The following DACH1 variants were observed in gnomAD, a reference collection of about 807,000 sequenced individuals.
The protein encoded by DACH1 is dachshund homolog 1.
DACH1 carries 12 observed loss-of-function variants against 54.2 expected under a neutral mutation model. That is an observed-to-expected ratio of 0.22 (90% CI 0.14 to 0.36). The LOEUF (loss-of-function observed/expected upper bound fraction) is 0.36. DACH1 is among the 10% of genes least tolerant of loss of function. The probability of loss-of-function intolerance (pLI) is 1.00; values close to 1 mark genes in which losing one functional copy is unlikely to be tolerated. For synonymous variants in DACH1, 386 were observed against 366.2 expected, an observed-to-expected ratio of 1.05 and a Z score of -0.62; for missense variants, 805 against 929.8, an observed-to-expected ratio of 0.87 and a Z score of 1.75.
At chr13:71,780,743 T>C (rs1886335864) in intron 1 of DACH1, among the ~76,000 whole-genome samples, 1 of 152,200 alleles carries the variant, frequency 6.6e-6, no homozygotes. Flanking sequence ...ATAAAAAATG[T>C]GCTATAAAAG....
intron 1 of DACH1, among the ~76,000 whole-genome samples, chr13:71,718,551 G>A (rs187235921): frequency 7.5e-5 from 11 of 147,412 alleles, no homozygotes; most frequent in East Asian, 2.0e-4. Flanking sequence ...ACACCATCCC[G>A]GATGACAGAG....
chr13:71,861,543 T>C (rs1275987254), intron 1 of DACH1, among the ~76,000 whole-genome samples: 1 of 152,006 alleles, frequency 6.6e-6, no homozygotes, highest in Non-Finnish European at 1.5e-5. Context: ...AAAGTGTAAT[T>C]TGCTAACACT....
At chr13:71,773,820 C>G (rs1885955247) in intron 1 of DACH1, among the ~76,000 whole-genome samples, 1 of 152,012 alleles carries the variant, frequency 6.6e-6, no homozygotes, top group Non-Finnish European at 1.5e-5. Flanking sequence ...GAGAATATAT[C>G]TTTGGAGTAA....
chr13:71,794,961 T>C (rs1461746926), intron 1 of DACH1, among the ~76,000 whole-genome samples: 1 of 152,104 alleles, frequency 6.6e-6, no homozygotes, highest in Admixed American at 6.5e-5. Context: ...ATAATATACA[T>C]AGAATATAGT....
chr13:71,611,555 T>C (rs746332621), intron 3 of DACH1, among the ~76,000 whole-genome samples: 4 of 152,212 alleles, frequency 2.6e-5, no homozygotes, highest in Non-Finnish European at 4.4e-5. Context: ...CGTATTTCAT[T>C]TCCTCATGCA....
chr13:71,828,704 C>T (rs1290519904), intron 1 of DACH1, among the ~76,000 whole-genome samples: 1 of 151,894 alleles, frequency 6.6e-6, no homozygotes, highest in African/African-American at 2.4e-5. Flanking sequence ...AGTTTGTCTT[C>T]ATTACATGGT....
chr13:71,568,366 T>C lies in DACH1; in HGVS notation c.1299+4474A>G, dbSNP rs190718453. On this transcript the variant is annotated intron_variant, in intron 4 of 10. Transcript: ENST00000613252. ...TGTCCAAATTGAGGTTGATGTCTAGTGTCTCTTCATTGCACAATTCACTTC... is the reference window on the plus strand; with the variant it reads ...TGTCCAAATTGAGGTTGATGTCTAGCGTCTCTTCATTGCACAATTCACTTC... Among the ~76,000 whole-genome samples, 28 of 152,158 alleles carry C rather than the reference T, an allele frequency of 1.8e-4. 1 individual carries two copies. In the East Asian group the frequency reaches 5.2e-3, roughly 28 times the overall value.
chr13:71,637,227 C>T (rs903986369), intron 2 of DACH1, among the ~76,000 whole-genome samples: 6 of 152,040 alleles, frequency 3.9e-5, no homozygotes, highest in African/African-American at 7.2e-5. Flanking sequence ...CATCTCTAAA[C>T]AGAGGGATAA....
chr13:71,449,553 TTAGGACAAATACC>T (rs1874820961), intron 10 of DACH1, among the ~76,000 whole-genome samples: 1 of 151,340 alleles, frequency 6.6e-6, no homozygotes, highest in Non-Finnish European at 1.5e-5. Flanking sequence ...AGGGAGAGCA[TTAGGACAAATACC>T]TAATGCATGC....
intron 6 of DACH1, among the ~76,000 whole-genome samples, chr13:71,544,636 T>C (rs1883343929): frequency 6.6e-6 from 1 of 152,302 alleles, no homozygotes; most frequent in African/African-American, 2.4e-5. Context: ...TTCTAAATGC[T>C]ATCACTTATA....
chr13:71,603,766 ATACAT>A (rs1320419643), intron 3 of DACH1, among the ~76,000 whole-genome samples: 2 of 151,994 alleles, frequency 1.3e-5, no homozygotes, highest in African/African-American at 2.4e-5. Context: ...TATATGTGGG[ATACAT>A]TACATTAGTT....
At chr13:71,761,025 A>G (rs1283645503) in intron 1 of DACH1, among the ~76,000 whole-genome samples, 1 of 151,974 alleles carries the variant, frequency 6.6e-6, no homozygotes, top group Non-Finnish European at 1.5e-5. Flanking sequence ...TATATCCTCT[A>G]TCTACTACTC....
At chr13:71,736,937 C>T (rs1273723155) in intron 1 of DACH1, among the ~76,000 whole-genome samples, 2 of 152,072 alleles carry the variant, frequency 1.3e-5, no homozygotes, top group Non-Finnish European at 2.9e-5. Flanking sequence ...ACACCATATA[C>T]AATCTGATAA....
chr13:71,700,099 GCACACA>G (rs149264805), intron 1 of DACH1, among the ~76,000 whole-genome samples: 2 of 149,786 alleles, frequency 1.3e-5, no homozygotes, highest in African/African-American at 4.9e-5. Context: ...GCATGCATGT[GCACACA>G]CACACACACA....
intron 1 of DACH1, among the ~76,000 whole-genome samples, chr13:71,699,789 C>T (rs112410130): frequency 1.1e-4 from 16 of 152,216 alleles, no homozygotes; most frequent in African/African-American, 2.9e-4. Context: ...TTTATAGGAA[C>T]GCATAACTAA....
At chr13:71,862,806 T>C (rs1187397623) in intron 1 of DACH1, among the ~76,000 whole-genome samples, 1 of 152,108 alleles carries the variant, frequency 6.6e-6, no homozygotes, top group African/African-American at 2.4e-5. Flanking sequence ...CCTGGTATTA[T>C]TATTCCATGC....
At chr13:71,498,378 G>C (rs1879621467) in intron 6 of DACH1, among the ~76,000 whole-genome samples, 1 of 152,192 alleles carries the variant, frequency 6.6e-6, no homozygotes, top group African/African-American at 2.4e-5. Context: ...CTGCAAAAAT[G>C]AGAAGGATAT....
chr13:71,632,190 G>A (rs1434888537), intron 2 of DACH1, among the ~76,000 whole-genome samples: 1 of 152,072 alleles, frequency 6.6e-6, no homozygotes, highest in Non-Finnish European at 1.5e-5. Context: ...TCAGAATTAA[G>A]ACCATGCTGT....
At chr13:71,845,388 T>C (rs1188491243) in intron 1 of DACH1, among the ~76,000 whole-genome samples, 1 of 152,134 alleles carries the variant, frequency 6.6e-6, no homozygotes, top group Non-Finnish European at 1.5e-5. Context: ...AATACCAAAC[T>C]ATAATACTTT....
Sources: allele counts gnomAD v4.1 joint callset (sites outside exome capture counted in the v4.1 genomes callset), GRCh38; gene constraint gnomAD v4.1.1; transcripts MANE v1.5; gene names NCBI Gene and HGNC (gene_info 2026-07-23, HGNC 2026-07-21).